Variants in ZNF248 observed in about 807,000 individuals in gnomAD.
ZNF248 encodes the protein zinc finger protein 248.
In ZNF248, 20 loss-of-function variants were observed where a neutral mutation model predicts 44.3. The ratio of observed to expected loss-of-function variants is 0.45; its 90% CI spans 0.32 to 0.66. The LOEUF (loss-of-function observed/expected upper bound fraction) is 0.66, where lower values mean the gene tolerates loss of function less well. ZNF248 is among the 30% of genes least tolerant of loss of function. The pLI is 0.04. For synonymous variants in ZNF248, 224 were observed against 229.0 expected (o/e 0.98, Z 0.20); for missense variants, 654 against 677.0 (o/e 0.97, Z 0.38).
rs2056053451 is a variant in ZNF248, at chr10:37,832,505, T to C, written c.850A>G (p.Arg284Gly). The C allele has an allele frequency of 3.1e-6, 5 of 1,613,848 alleles. No homozygotes were observed. The highest frequency in any genetic ancestry group is 4.2e-6 in the Non-Finnish European group (5 of 1,179,956). Residue 284 changes from arginine to glycine, a missense_variant, in exon 6 of 6, where the codon AGG (arginine) becomes GGG (glycine). By Grantham distance (125) the Arg-to-Gly change is moderately radical (BLOSUM62 -2). Coordinates refer to ENST00000395867, the MANE Select transcript of ZNF248 (RefSeq NM_021045.3). ...GTAAGAGCTCTCTGATGTCCAAACC[T>C]TAAATTCATGCAGAAGGACTTCCCG... Reference protein sequence around the residue: ...ICGKSFCMNLRFGHQRALTKD... With the variant: ...ICGKSFCMNLGFGHQRALTKD...
At position 37,818,725 on chromosome 10, in the gene ZNF248, T is replaced by A. The variant is rs60687082; in HGVS notation, c.330+14300A>T. The A allele has an allele frequency of 4.6e-3, 2,775 of 600,748 alleles. 66 individuals carry two copies. In the African/African-American group the frequency reaches 0.048, roughly 10 times the overall value. The allele number at this position is 600,748 out of a possible 1,614,324, so 37.2% of individuals were successfully genotyped here. On this transcript the variant is annotated intron_variant, in intron 6 of 6. Coordinates refer to the ZNF248 transcript ENST00000615949. The stretch of plus-strand genomic sequence containing the variant: ...AAGTAGGGGGTCACAGGCCAGTTGC[T>A]GGGCATCAATGCAGTCCTCCTTTTG...
intron 6 of ZNF248, among the ~76,000 whole-genome samples, chr10:37,805,407 T>A (rs2050409624): frequency 6.6e-6 from 1 of 152,210 alleles, no homozygotes; most frequent in Non-Finnish European, 1.5e-5. Flanking sequence ...TAAAGCAGGT[T>A]ATCAGAAATA....
At chr10:37,771,045 A>G in the ZNF248 span, among the ~76,000 whole-genome samples, 5 of 152,358 alleles carry the variant, frequency 3.3e-5, no homozygotes, top group African/African-American at 1.2e-4. Context: ...TGGCCATCAG[A>G]GAAATGCAAA....
chr10:37,820,288 T>C lies in ZNF248; in HGVS notation c.330+12737A>G, dbSNP rs1357564351. ...AAATGCTCTGTGTTGCCAGATCTCATAGATGAGGGACTGTTTTGCTGAGCT... is the reference window on the plus strand; with the variant it reads ...AAATGCTCTGTGTTGCCAGATCTCACAGATGAGGGACTGTTTTGCTGAGCT... On this transcript the variant is annotated intron_variant, in intron 6 of 6. Transcript: ENST00000615949. 3.6e-6 allele frequency: 5 copies of C among 1,383,492 alleles called. No individual in the cohort carries two copies. The Admixed American group carries it at 5.1e-5, about 14-fold the overall frequency. 85.7% of individuals were successfully genotyped at this position (1,383,492 alleles called of 1,614,324 possible).
chr10:37,778,446 A>G (rs2046868727), intron 6 of ZNF248, among the ~76,000 whole-genome samples: 2 of 151,960 alleles, frequency 1.3e-5, no homozygotes, highest in Non-Finnish European at 2.9e-5. Context: ...GCCCTTTGTC[A>G]GATGAGTAGG....
At chr10:37,820,253 G>C in intron 6 of ZNF248, 1 of 1,363,744 alleles carries the variant, frequency 7.3e-7, no homozygotes, top group Non-Finnish European at 1.0e-6. Flanking sequence ...TCTGTTTTTG[G>C]GAGCTGCAGA....
In ZNF248 at chr10:37,832,457, T is replaced by C. The variant is rs764651379; in HGVS notation, c.898A>G (p.Asn300Asp). The change falls in exon 6 of 6, where the codon AAT (asparagine) becomes GAT (aspartate). Residue 300 changes from asparagine (N) to aspartate (D), a missense_variant. Physicochemically the swap from Asn to Asp is conservative, Grantham distance 23. Coordinates refer to ENST00000395867, the MANE Select transcript of ZNF248 (RefSeq NM_021045.3). ...ALTKDNPYEY[N>D]EYGEIFCDNS... ...TCACAGAAGATTTCCCCATATTCAT[T>C]ATATTCATAAGGATTGTCCTTTGTA... The C allele has an allele frequency of 6.2e-6, 10 of 1,613,900 alleles. No individual in the cohort carries two copies. The highest frequency in any genetic ancestry group is 7.6e-6 in the Non-Finnish European group (9 of 1,179,954).
At chr10:37,804,174 G>A (rs2050215224) in intron 6 of ZNF248, among the ~76,000 whole-genome samples, 1 of 142,678 alleles carries the variant, frequency 7.0e-6, no homozygotes, top group Admixed American at 7.4e-5. Context: ...GCGTGATCTC[G>A]GCTCACTGTC....
chr10:37,825,195 TTAA>T, downstream of ZNF248, among the ~76,000 whole-genome samples: 1 of 152,222 alleles, frequency 6.6e-6, no homozygotes, highest in South Asian at 2.1e-4. Context: ...AGAAAATATC[TTAA>T]TAATCTTCCA....
Position 37,832,473 on chromosome 10 carries a change from G to T in ZNF248, c.882C>A (p.Asp294Glu). ...CATATTCATTATATTCATAAGGATT[G>T]TCCTTTGTAAGAGCTCTCTGATGTC... ...RFGHQRALTK[D>E]NPYEYNEYGE... Residue 294 changes from aspartate (D) to glutamate (E), a missense_variant, in exon 6 of 6, where the codon GAC becomes GAA. Transcript: ENST00000395867. The T allele has an allele frequency of 6.2e-7, 1 of 1,613,916 alleles. No individual in the cohort carries two copies. Among genetic ancestry groups the T allele is most frequent in the South Asian group, 1.1e-5 (1 of 91,070 alleles).
chr10:37,791,046 T>C (rs1192541256), intron 6 of ZNF248, among the ~76,000 whole-genome samples: 2 of 92,310 alleles, frequency 2.2e-5, no homozygotes, highest in African/African-American at 9.6e-5. Context: ...TTATTTCTTT[T>C]TTTTTTTTTT....
chr10:37,773,936 T>G (rs1456627053), downstream of ZNF248, among the ~76,000 whole-genome samples: 2 of 151,914 alleles, frequency 1.3e-5, no homozygotes, highest in Non-Finnish European at 2.9e-5. Context: ...GCCCTACAAA[T>G]TTTACATTCG....
At chr10:37,809,853 TTTA>T (rs1488624649) in intron 6 of ZNF248, among the ~76,000 whole-genome samples, 1 of 141,614 alleles carries the variant, frequency 7.1e-6, no homozygotes, top group Non-Finnish European at 1.5e-5. Flanking sequence ...CAGTTTTCCT[TTTA>T]TTATTATTTT....
intron 3 of ZNF248, among the ~76,000 whole-genome samples, chr10:37,851,303 G>A (rs2060186931): frequency 6.6e-6 from 1 of 152,144 alleles, no homozygotes; most frequent in African/African-American, 2.4e-5. Context: ...AACAACTGAA[G>A]ACAACTTGAG....
downstream of ZNF248, among the ~76,000 whole-genome samples, chr10:37,827,549 A>G (rs1350769093): frequency 6.6e-6 from 1 of 152,218 alleles, no homozygotes; most frequent in African/African-American, 2.4e-5. Context: ...GGAATGCAAG[A>G]TCTGAGAAGA....
the ZNF248 span, among the ~76,000 whole-genome samples, chr10:37,769,547 A>G: frequency 6.6e-6 from 1 of 152,230 alleles, no homozygotes; most frequent in Non-Finnish European, 1.5e-5. Context: ...ATAGATGCAG[A>G]AAAGGCCTTT....
chr10:37,844,177 G>C (rs1378967848), intron 3 of ZNF248, among the ~76,000 whole-genome samples: 1 of 152,134 alleles, frequency 6.6e-6, no homozygotes, highest in East Asian at 1.9e-4. Context: ...ATAGAGACCA[G>C]AAGGCAGTGG....
At chr10:37,805,607 G>A (rs2050440085) in intron 6 of ZNF248, among the ~76,000 whole-genome samples, 1 of 151,994 alleles carries the variant, frequency 6.6e-6, no homozygotes, top group Admixed American at 6.6e-5. Flanking sequence ...TTTACAAATC[G>A]CTGTTCGCTC....
chr10:37,815,532 G>C (rs929071042), intron 6 of ZNF248, among the ~76,000 whole-genome samples: 1 of 151,828 alleles, frequency 6.6e-6, no homozygotes, highest in African/African-American at 2.4e-5. Flanking sequence ...TTTGTTTATA[G>C]TTTTCTTGAC....
Sources: allele counts gnomAD v4.1 joint callset (sites outside exome capture counted in the v4.1 genomes callset), GRCh38; gene constraint gnomAD v4.1.1; transcripts MANE v1.5; gene names NCBI Gene and HGNC (gene_info 2026-07-23, HGNC 2026-07-21).